Variants in STARD9 observed in about 807,000 individuals in gnomAD.
STARD9 encodes StAR related lipid transfer domain containing 9.
Under a neutral mutation model 399.8 loss-of-function variants are expected in STARD9, and 346 were observed. The observed-to-expected ratio is 0.87, with a 90% confidence interval of 0.79 to 0.95. The LOEUF is 0.95. STARD9 is among the 40% of genes least tolerant of loss of function. STARD9 has a pLI of 0.00. For missense variants in STARD9, 5,832 were observed against 5,667.5 expected (o/e 1.03, Z -0.93); for synonymous variants, 2,203 against 2,143.5 (o/e 1.03, Z -0.77).
In STARD9 at chr15:42,583,336, T is replaced by C. The variant is rs981130858; in HGVS notation, c.48-10T>C. The C allele has an allele frequency of 4.6e-6, 7 of 1,532,632 alleles. No homozygotes were observed. In the African/African-American group the frequency reaches 9.6e-5, roughly 21 times the overall value. The allele number at this position is 1,532,632 out of a possible 1,614,324, so 94.9% of individuals were successfully genotyped here. ...ACAACATTTCTTCTGAGCTTGGGTC[T>C]TGTTTCTAGGGAGACCAAAGAAGGG... On this transcript the variant is annotated splice_polypyrimidine_tract_variant and intron_variant, in intron 1 of 32. Transcript: ENST00000290607.
Position 42,682,555 on chromosome 15 carries a change from G to A in STARD9, c.2517G>A (p.Lys839=). 1 of 1,536,250 alleles carries A rather than the reference G, an allele frequency of 6.5e-7. No homozygotes were observed. The highest frequency in any genetic ancestry group is 8.7e-7 in the Non-Finnish European group (1 of 1,146,216). Residue 839 remains lysine, a synonymous_variant, in exon 22 of 33, where the codon AAG becomes AAA. Transcript: ENST00000290607. ...SSLSPQRLCS[K]HMPQLHSIFL... Reference sequence around the variant, plus strand: ...TGAGCCCCCAAAGACTCTGCAGCAAGCACATGCCCCAGCTACACAGGTACA... The same window carrying A: ...TGAGCCCCCAAAGACTCTGCAGCAAACACATGCCCCAGCTACACAGGTACA...
In STARD9 at chr15:42,685,954, A is replaced by G; in HGVS notation, c.4376A>G (p.Asn1459Ser). 2 of 1,537,144 alleles carry G rather than the reference A, an allele frequency of 1.3e-6. No individual in the cohort carries two copies. Among genetic ancestry groups the G allele is most frequent in the Non-Finnish European group, 1.7e-6 (2 of 1,146,910 alleles). The change falls in exon 23 of 33, where the codon AAT becomes AGT. Residue 1459 changes from asparagine to serine, a missense_variant. Physicochemically the swap from Asn to Ser is conservative, Grantham distance 46 (BLOSUM62 1). Transcript: ENST00000290607. Reference sequence around the variant, plus strand: ...CAGGGCAGCTCTGAAGCATCCCACAATTCTAGCGTATCAAACGTGCTGGCT... The same window carrying G: ...CAGGGCAGCTCTGAAGCATCCCACAGTTCTAGCGTATCAAACGTGCTGGCT... ...TQQGSSEASH[N>S]SSVSNVLAAS...
At chr15:42,641,950 G>A (rs959293785) in intron 7 of STARD9, among the ~76,000 whole-genome samples, 2 of 152,034 alleles carry the variant, frequency 1.3e-5, no homozygotes, top group Admixed American at 1.3e-4. Context: ...TATAGAACCA[G>A]CCTTGGAAGC....
chr15:42,681,327 GC>G, intron 20 of STARD9, 94 bp from the exon 21 acceptor site: 1 of 1,271,374 alleles, frequency 7.9e-7, no homozygotes, highest in East Asian at 2.5e-5. Context: ...CCTGTTGATT[GC>G]AGGGGCTCTC....
In STARD9 at chr15:42,691,025, G is replaced by T. The variant is rs1429566249; in HGVS notation, c.9447G>T (p.Gly3149=). The part of the protein sequence containing the change: ...QGPHTLDLSE[G]SAESKLVVEP... Reference sequence around the variant, plus strand: ...CACACACCCTGGATTTAAGTGAAGGGTCTGCTGAGAGCAAGTTGGTGGTAG... The same window carrying T: ...CACACACCCTGGATTTAAGTGAAGGTTCTGCTGAGAGCAAGTTGGTGGTAG... Residue 3149 remains glycine, a synonymous_variant, in exon 23 of 33, where the codon GGG becomes GGT. Coordinates refer to ENST00000290607, the MANE Select transcript of STARD9 (RefSeq NM_020759.3). 1.3e-6 allele frequency: 2 copies of T among 1,537,114 alleles called. No individual in the cohort carries two copies. The highest frequency in any genetic ancestry group is 2.4e-5 in the East Asian group (1 of 40,922).
At position 42,689,184 on chromosome 15, in the gene STARD9, C is replaced by T; in HGVS notation, c.7606C>T (p.Pro2536Ser). ...VSLPRVPSPE[P>S]RLLEPSDHAS... ...CCTGCCGAGGGTGCCCAGTCCAGAGCCTAGGCTGTTGGAGCCCTCTGACCA... is the reference window on the plus strand; with the variant it reads ...CCTGCCGAGGGTGCCCAGTCCAGAGTCTAGGCTGTTGGAGCCCTCTGACCA... The change falls in exon 23 of 33, where the codon CCT becomes TCT. Residue 2536 changes from proline to serine, a missense_variant. Physicochemically the swap from Pro to Ser is moderately conservative, Grantham distance 74. Transcript: ENST00000290607. 2.6e-6 allele frequency: 4 copies of T among 1,537,270 alleles called. No homozygotes were observed. Among genetic ancestry groups the T allele is most frequent in the South Asian group, 2.4e-5 (2 of 84,050 alleles).
In STARD9 at chr15:42,682,390, C is replaced by T; in HGVS notation, c.2352C>T (p.Ala784=). 1 of 1,537,168 alleles carries T rather than the reference C, an allele frequency of 6.5e-7. No individual in the cohort carries two copies. Among genetic ancestry groups the T allele is most frequent in the Non-Finnish European group, 8.7e-7 (1 of 1,146,894 alleles). ...RIIKKQRLLE[A]QKRLEKLTTL... ...TCAAAAAGCAGAGGCTGCTGGAGGCCCAGAAGAGACTGGAGAAGCTCACGA... is the reference window on the plus strand; with the variant it reads ...TCAAAAAGCAGAGGCTGCTGGAGGCTCAGAAGAGACTGGAGAAGCTCACGA... Residue 784 remains alanine, a synonymous_variant, in exon 22 of 33, where the codon GCC becomes GCT. Coordinates refer to ENST00000290607, the MANE Select transcript of STARD9 (RefSeq NM_020759.3).
At chr15:42,622,502 G>C (rs1482524082) in intron 3 of STARD9, among the ~76,000 whole-genome samples, 2 of 152,028 alleles carry the variant, frequency 1.3e-5, no homozygotes, top group East Asian at 3.9e-4. Context: ...TGATTAGCTG[G>C]GACTTCAGGC....
intron 3 of STARD9, among the ~76,000 whole-genome samples, chr15:42,587,230 T>A (rs560849576): frequency 3.9e-5 from 6 of 152,354 alleles, no homozygotes; most frequent in African/African-American, 1.4e-4. Flanking sequence ...AGTACTGATT[T>A]TCTGCTATTG....
At chr15:42,671,105 C>T (rs929928372) in intron 16 of STARD9, 1 of 148,016 alleles carries the variant, frequency 6.8e-6, no homozygotes, top group Non-Finnish European at 1.5e-5. Flanking sequence ...ATGATGAACT[C>T]ATCTGAAGAT....
intron 26 of STARD9, among the ~76,000 whole-genome samples, chr15:42,710,752 A>G (rs1213781565): frequency 6.6e-6 from 1 of 152,174 alleles, no homozygotes; most frequent in Non-Finnish European, 1.5e-5. Context: ...TAGCAGCACC[A>G]TACTCCCTCA....
At chr15:42,663,200 TG>T in intron 11 of STARD9, 80 bp from the exon 12 acceptor site, 1 of 1,257,246 alleles carries the variant, frequency 8.0e-7, no homozygotes, top group African/African-American at 1.5e-5. Context: ...CTTAAGTCTG[TG>T]TTCTCCAACC....
At chr15:42,609,061 G>A (rs1056495010) in intron 3 of STARD9, among the ~76,000 whole-genome samples, 2 of 151,948 alleles carry the variant, frequency 1.3e-5, no homozygotes, top group African/African-American at 2.4e-5. Flanking sequence ...TGACAGTTCC[G>A]GGCATCCCTA....
Position 42,687,643 on chromosome 15 carries a change from C to G in STARD9, c.6065C>G (p.Ser2022Ter), listed in dbSNP as rs1019963299. 6.5e-7 allele frequency: 1 copy of G among 1,537,012 alleles called. No individual in the cohort carries two copies. The highest frequency in any genetic ancestry group is 8.7e-7 in the Non-Finnish European group (1 of 1,146,880). ...GAAAGAAACCCCAGTGAATGCAAGT[C>G]ACAAGAAATGTTAAATCCCAACAGA... ...PQERNPSECK[S>*]QEMLNPNREP... Residue 2022 changes from serine to a stop codon, truncating the protein, a stop_gained, in exon 23 of 33, where the codon TCA becomes TGA. Transcript: ENST00000290607. LOFTEE classifies it high-confidence loss of function.
chr15:42,668,622 C>T (rs1420728791), intron 15 of STARD9, among the ~76,000 whole-genome samples: 1 of 152,186 alleles, frequency 6.6e-6, no homozygotes, highest in African/African-American at 2.4e-5. Flanking sequence ...ATTACATGAT[C>T]TTCCAGACAA....
rs993948865 is a variant in STARD9 at position 42,674,925 on chromosome 15, A to G, written c.1648A>G (p.Asn550Asp). The G allele has an allele frequency of 1.3e-6, 2 of 1,536,716 alleles. No homozygotes were observed. The highest frequency in any genetic ancestry group is 1.7e-6 in the Non-Finnish European group (2 of 1,146,714). ...RPARGARCTV[N>D]GREVTASCRL... ...TGCCCGTGGGGCCCGCTGTACAGTC[A>G]ATGGCCGGGAGGTCACTGCCTCCTG... The change falls in exon 18 of 33, where the codon AAT becomes GAT. Residue 550 changes from asparagine to aspartate, a missense_variant. By Grantham distance (23) the Asn-to-Asp change is conservative. Around this residue, in one of 2 missense-constraint regions of STARD9, gnomAD observed 5,828 missense variants for 5,651.1 expected, o/e 1.03. Coordinates refer to ENST00000290607, the MANE Select transcript of STARD9 (RefSeq NM_020759.3).
intron 26 of STARD9, among the ~76,000 whole-genome samples, chr15:42,701,092 T>G (rs1157470370): frequency 2.0e-5 from 3 of 152,182 alleles, no homozygotes; most frequent in African/African-American, 7.2e-5. Context: ...CTGTGTTCTT[T>G]GTTCTGTTCC....
intron 3 of STARD9, among the ~76,000 whole-genome samples, chr15:42,619,327 A>G (rs1444943775): frequency 6.6e-6 from 1 of 152,084 alleles, no homozygotes; most frequent in Non-Finnish European, 1.5e-5. Flanking sequence ...AATCTCATAC[A>G]TAGACTTAAT....
At chr15:42,654,921 A>G (rs2059834995) in intron 9 of STARD9, among the ~76,000 whole-genome samples, 1 of 152,182 alleles carries the variant, frequency 6.6e-6, no homozygotes, top group East Asian at 1.9e-4. Flanking sequence ...AGAACTAGAA[A>G]AGACAGTCCT....
Sources: allele counts gnomAD v4.1 joint callset (sites outside exome capture counted in the v4.1 genomes callset), GRCh38; gene constraint gnomAD v4.1.1; regional missense constraint gnomAD v4.1.1; transcripts MANE v1.5; gene names NCBI Gene and HGNC (gene_info 2026-07-23, HGNC 2026-07-21).